The following NEBL variants were observed in gnomAD, a reference collection of about 807,000 sequenced individuals.
The protein encoded by NEBL is nebulette, also known as LIM and SH3 protein 2.
Under a neutral mutation model 140.2 loss-of-function variants are expected in NEBL, and 122 were observed. The observed-to-expected ratio is 0.87, with a 90% CI of 0.75 to 1.01. The LOEUF is 1.01. Among genes scored for constraint, NEBL ranks in the 50% least tolerant of loss-of-function variants. The pLI, the probability that NEBL is intolerant of heterozygous loss-of-function variation, is 0.00. For missense variants in NEBL, 1,365 were observed against 1,231.3 expected (o/e 1.11, Z -1.62); for synonymous variants, 436 against 398.9 (o/e 1.09, Z -1.11).
intron 22 of NEBL, among the ~76,000 whole-genome samples, chr10:20,814,768 ATTTCTT>A (rs1436067952): frequency 2.0e-5 from 3 of 151,860 alleles, no homozygotes; most frequent in Non-Finnish European, 1.5e-5. Flanking sequence ...AAGCTACTCT[ATTTCTT>A]TTTATTTTTT....
chr10:21,166,433 G>C (rs1840783148), intron 2 of NEBL, among the ~76,000 whole-genome samples: 1 of 151,988 alleles, frequency 6.6e-6, no homozygotes, highest in South Asian at 2.1e-4. Flanking sequence ...AGCCCATAGT[G>C]CGAAAAACTT....
Position 21,098,225 on chromosome 10 carries a change from C to T in NEBL, c.164+74158G>A, listed in dbSNP as rs542118318. ...ACATACACACACATTCTCACTCACA[C>T]GTGCACACATACGTACACACACTTG... On this transcript the variant is annotated intron_variant, in intron 2 of 6. Transcript: ENST00000417816. Among the ~76,000 whole-genome samples the T allele has an allele frequency of 3.4e-3, 525 of 152,184 alleles. 2 individuals are homozygous for T. Among genetic ancestry groups the T allele is most frequent in the Non-Finnish European group, 5.2e-3 (353 of 67,992 alleles).
At chr10:21,256,525 A>G (rs1179082985) in intron 1 of NEBL, among the ~76,000 whole-genome samples, 1 of 152,184 alleles carries the variant, frequency 6.6e-6, no homozygotes, top group East Asian at 1.9e-4. Flanking sequence ...AATTAAATAA[A>G]TTATATTAAA....
At chr10:21,251,363 G>C (rs1317095685) in intron 2 of NEBL, among the ~76,000 whole-genome samples, 1 of 152,122 alleles carries the variant, frequency 6.6e-6, no homozygotes, top group African/African-American at 2.4e-5. Context: ...GCCAGTTAAT[G>C]GTATCTCAGT....
chr10:20,798,422 A>T (rs1349587882), intron 26 of NEBL, among the ~76,000 whole-genome samples: 1 of 152,184 alleles, frequency 6.6e-6, no homozygotes, highest in Admixed American at 6.5e-5. Flanking sequence ...GTGACTGTGG[A>T]GATCACATTA....
chr10:20,897,180 A>G lies in NEBL; in HGVS notation c.26T>C (p.Ile9Thr), dbSNP rs778475541. Residue 9 changes from isoleucine to threonine, a missense_variant, in exon 1 of 28, where the codon ATA (isoleucine) becomes ACA (threonine). This residue lies in a region of NEBL where 1,323 missense variants were observed against 1,154.8 expected (regional missense o/e 1.15). Coordinates refer to ENST00000377122, the MANE Select transcript of NEBL (RefSeq NM_006393.3). MRVPVFEDIKDETEEEKIG... is the reference protein window; with the variant it reads MRVPVFEDTKDETEEEKIG... Reference sequence around the variant, plus strand: ...CTTTTCTTCTTCAGTTTCATCTTTTATATCCTCAAATACAGGGACCCTCAT... The same window carrying G: ...CTTTTCTTCTTCAGTTTCATCTTTTGTATCCTCAAATACAGGGACCCTCAT... The G allele has an allele frequency of 3.1e-6, 5 of 1,603,754 alleles. No individual in the cohort carries two copies. The highest frequency in any genetic ancestry group is 4.3e-6 in the Non-Finnish European group (5 of 1,172,290).
intron 1 of NEBL, among the ~76,000 whole-genome samples, chr10:21,285,380 A>G (rs1346870962): frequency 1.3e-5 from 2 of 152,196 alleles, no homozygotes; most frequent in African/African-American, 4.8e-5. Flanking sequence ...CTCCCTTGGA[A>G]AGGCTAATCA....
At chr10:21,070,059 C>T (rs1258473376) in intron 2 of NEBL, 1 of 454,616 alleles carries the variant, frequency 2.2e-6, no homozygotes, top group South Asian at 1.6e-5. Context: ...AAGCCTCACA[C>T]TTCGGGACAG....
chr10:21,137,743 G>A (rs1839420827), intron 2 of NEBL, among the ~76,000 whole-genome samples: 1 of 151,812 alleles, frequency 6.6e-6, no homozygotes, highest in Non-Finnish European at 1.5e-5. Flanking sequence ...AACCAGCCTG[G>A]GCAACATAGT....
chr10:20,890,045 G>T, intron 2 of NEBL, 96 bp from the exon 3 acceptor site: 5 of 789,904 alleles, frequency 6.3e-6, no homozygotes, highest in African/African-American at 1.7e-5. Context: ...TCCATTTACT[G>T]AAGTAAATAC....
At chr10:21,184,158 C>T (rs957013767) in intron 3 of NEBL, among the ~76,000 whole-genome samples, 1 of 152,202 alleles carries the variant, frequency 6.6e-6, no homozygotes, top group African/African-American at 2.4e-5. Context: ...CAAATGAAAA[C>T]TAAGCTAGTA....
chr10:21,054,720 G>A (rs953702543), intron 2 of NEBL, among the ~76,000 whole-genome samples: 18 of 152,064 alleles, frequency 1.2e-4, no homozygotes, highest in African/African-American at 3.1e-4. Context: ...AGCTCTGCCC[G>A]AGATCCCTAT....
chr10:21,288,841 TATATATATAA>T (rs1311557044), intron 1 of NEBL, among the ~76,000 whole-genome samples: 6 of 88,940 alleles, frequency 6.7e-5, no homozygotes, highest in African/African-American at 2.3e-4. Flanking sequence ...TATATATATA[TATATATATAA>T]AAATTTTTTT....
chr10:21,275,621 C>T (rs1842910807), intron 1 of NEBL, among the ~76,000 whole-genome samples: 1 of 149,420 alleles, frequency 6.7e-6, no homozygotes, highest in South Asian at 2.1e-4. Flanking sequence ...CTAACATAGA[C>T]TCATCACATT....
intron 19 of NEBL, among the ~76,000 whole-genome samples, 163 bp from the exon 20 acceptor site, chr10:20,819,679 T>C (rs997968238): frequency 2.0e-5 from 3 of 152,232 alleles, no homozygotes; most frequent in African/African-American, 7.2e-5. Context: ...GATTTTATCT[T>C]CTTGGCGATG....
At chr10:21,062,013 C>T (rs1237542162) in intron 2 of NEBL, among the ~76,000 whole-genome samples, 1 of 152,178 alleles carries the variant, frequency 6.6e-6, no homozygotes, top group Non-Finnish European at 1.5e-5. Context: ...ACGCACAATG[C>T]AAACCCGATG....
chr10:21,182,217 AT>A (rs1302022637), intron 3 of NEBL, among the ~76,000 whole-genome samples: 1 of 151,784 alleles, frequency 6.6e-6, no homozygotes, highest in Admixed American at 6.6e-5. Context: ...CACACCTGTA[AT>A]CCCAGCACTT....
At chr10:21,145,197 G>A (rs1324042445) in intron 2 of NEBL, among the ~76,000 whole-genome samples, 1 of 152,198 alleles carries the variant, frequency 6.6e-6, no homozygotes, top group South Asian at 2.1e-4. Flanking sequence ...ACAGTAGGTT[G>A]CTATTGCCCT....
intron 2 of NEBL, among the ~76,000 whole-genome samples, chr10:21,048,158 G>C (rs931568072): frequency 1.3e-5 from 2 of 152,182 alleles, no homozygotes; most frequent in East Asian, 1.9e-4. Context: ...CTTGTCATTT[G>C]CATGGGCAAT....
Sources: gnomAD v4.1 joint callset for allele counts (sites outside exome capture counted in the v4.1 genomes callset) on GRCh38, gnomAD v4.1.1 for gene constraint, gnomAD v4.1.1 regional missense constraint, MANE v1.5 for transcripts, NCBI Gene and HGNC (gene_info 2026-07-23, HGNC 2026-07-21) for gene names.